MYO16: variants seen among roughly 807,000 people sequenced by gnomAD.
MYO16 encodes myosin XVI, also known as unconventional myosin-XVI.
A neutral mutation model predicts 205.3 loss-of-function variants in MYO16; 94 were observed. That is an observed-to-expected ratio of 0.46 (90% confidence interval 0.39 to 0.54). The LOEUF (loss-of-function observed/expected upper bound fraction) is 0.54. Ranked by LOEUF, MYO16 falls within the 20% of genes least tolerant of loss-of-function variation. The pLI is 0.00. For missense variants in MYO16, 2,315 were observed against 2,387.5 expected, an observed-to-expected ratio of 0.97 and a Z score of 0.63; for synonymous variants, 988 against 954.0, an observed-to-expected ratio of 1.04 and a Z score of -0.66.
At chr13:108,730,748 G>A (rs994551963) in intron 4 of MYO16, among the ~76,000 whole-genome samples, 1 of 152,112 alleles carries the variant, frequency 6.6e-6, no homozygotes, top group African/African-American at 2.4e-5. Flanking sequence ...TAGAAAAAGG[G>A]TAACAATTTG....
At chr13:109,187,668 C>A (rs940495509) in intron 34 of MYO16, among the ~76,000 whole-genome samples, 5 of 152,120 alleles carry the variant, frequency 3.3e-5, no homozygotes, top group Admixed American at 6.5e-5. Flanking sequence ...TTTCCAGGTA[C>A]CTTTCTGCTG....
At chr13:108,940,819 A>G (rs749258465) in intron 16 of MYO16, among the ~76,000 whole-genome samples, 2 of 152,222 alleles carry the variant, frequency 1.3e-5, no homozygotes, top group Non-Finnish European at 2.9e-5. Context: ...TGTATATACT[A>G]TACTGCAAAT....
At chr13:108,659,166 C>A (rs565547969) in intron 1 of MYO16, among the ~76,000 whole-genome samples, 3 of 148,480 alleles carry the variant, frequency 2.0e-5, no homozygotes, top group Admixed American at 1.4e-4. Context: ...GTCCTCCAAA[C>A]CAAGGTGCAT....
chr13:108,869,568 C>CA lies in MYO16; in HGVS notation c.1425+3338dup, dbSNP rs35097052. 9.9e-3 allele frequency among the ~76,000 whole-genome samples: 1,420 copies of CA among 143,184 alleles called. 19 individuals carry two copies. The highest frequency in any genetic ancestry group is 0.034 in the African/African-American group (1,319 of 38,780). 93.9% of individuals were successfully genotyped at this position (143,184 alleles called of 152,430 possible). ...TGAAACCCCGTCTCTACTAAAAATA[C>CA]AAAAAAAAAAAAGTTAGCCGGGCGT... On this transcript the variant is annotated intron_variant, in intron 12 of 34. Transcript: ENST00000457511.
intron 21 of MYO16, among the ~76,000 whole-genome samples, chr13:108,997,277 G>T: frequency 6.8e-6 from 1 of 146,518 alleles, no homozygotes; most frequent in African/African-American, 2.5e-5. Flanking sequence ...CTGGGTGACA[G>T]AACAAGACCA....
chr13:108,589,680 C>T, the MYO16 span, among the ~76,000 whole-genome samples: 6 of 152,102 alleles, frequency 3.9e-5, no homozygotes, highest in African/African-American at 1.4e-4. Flanking sequence ...ATTGTCTTCT[C>T]TCTCTCCCTC....
the MYO16 span, among the ~76,000 whole-genome samples, chr13:108,568,900 C>T: frequency 6.6e-6 from 1 of 151,802 alleles, no homozygotes; most frequent in Non-Finnish European, 1.5e-5. Flanking sequence ...CATATGGGTA[C>T]CCAGTTGTTC....
At chr13:109,149,039 G>C (rs1877499740) in intron 32 of MYO16, among the ~76,000 whole-genome samples, 1 of 152,292 alleles carries the variant, frequency 6.6e-6, no homozygotes, top group South Asian at 2.1e-4. Flanking sequence ...AGCCTGATAG[G>C]CTTTGTACCT....
intron 27 of MYO16, among the ~76,000 whole-genome samples, chr13:109,065,887 A>G (rs569153851): frequency 6.6e-6 from 1 of 152,334 alleles, no homozygotes; most frequent in South Asian, 2.1e-4. Flanking sequence ...GGAGAAGTTT[A>G]CTATTTAATG....
the MYO16 span, among the ~76,000 whole-genome samples, chr13:108,516,431 G>A: frequency 2.6e-5 from 4 of 152,152 alleles, no homozygotes; most frequent in South Asian, 4.1e-4. Context: ...GAAATCACCC[G>A]TCTTCTGCGT....
At chr13:108,508,496 CTT>C in the MYO16 span, among the ~76,000 whole-genome samples, 19,242 of 152,124 alleles carry the variant, frequency 0.13, 1,353 homozygotes, top group East Asian at 0.23. Flanking sequence ...CAACCGTTCT[CTT>C]TTGTTCTCAG....
In MYO16 at chr13:109,190,144, G is replaced by GA. The variant is rs774369883; in HGVS notation, c.5415+10520dup. ...AAGAAAATCTTTCTACATTTTTAAG[G>GA]AAAAAAAAATTATTTTACTGCTATC... On this transcript the variant is annotated intron_variant, in intron 34 of 34. Coordinates refer to ENST00000457511, the MANE Select transcript of MYO16 (RefSeq NM_001198950.3). Among the ~76,000 whole-genome samples, 31 of 150,526 alleles carry GA rather than the reference G, an allele frequency of 2.1e-4. 1 individual carries two copies. The highest frequency in any genetic ancestry group is 4.0e-4 in the Non-Finnish European group (27 of 67,618).
chr13:108,672,109 GA>G (rs1253819980), intron 2 of MYO16, among the ~76,000 whole-genome samples: 2 of 152,082 alleles, frequency 1.3e-5, no homozygotes, highest in Non-Finnish European at 2.9e-5. Flanking sequence ...TGTGCTAGGG[GA>G]AAAATATGAA....
chr13:108,975,223 G>A (rs1329624838), intron 20 of MYO16, among the ~76,000 whole-genome samples: 1 of 151,638 alleles, frequency 6.6e-6, no homozygotes, highest in East Asian at 1.9e-4. Flanking sequence ...CACTATTGCG[G>A]TCTTCAGGGT....
At chr13:108,843,891 G>A (rs192860215) in intron 9 of MYO16, among the ~76,000 whole-genome samples, 150 of 151,746 alleles carry the variant, frequency 9.9e-4, no homozygotes, top group Non-Finnish European at 6.5e-4. Context: ...TTATTCCATC[G>A]CAAACTTGAA....
intron 12 of MYO16, 140 bp from the exon 13 acceptor site, chr13:108,882,919 T>C: frequency 2.4e-6 from 3 of 1,224,828 alleles, no homozygotes; most frequent in Non-Finnish European, 2.2e-6. Flanking sequence ...ATTTTACAAA[T>C]GTTTTTACAT....
intron 4 of MYO16, among the ~76,000 whole-genome samples, chr13:108,764,019 A>G (rs1353730348): frequency 6.6e-6 from 1 of 152,194 alleles, no homozygotes; most frequent in East Asian, 1.9e-4. Flanking sequence ...ATGAAAGTCA[A>G]GAGAAAAATA....
chr13:109,147,311 C>A (rs565366769), intron 32 of MYO16, among the ~76,000 whole-genome samples: 31 of 152,264 alleles, frequency 2.0e-4, no homozygotes, highest in African/African-American at 7.0e-4. Context: ...AGTGCAGTTA[C>A]CCATTCATTG....
At chr13:108,497,564 A>C in the MYO16 span, among the ~76,000 whole-genome samples, 1 of 152,228 alleles carries the variant, frequency 6.6e-6, no homozygotes, top group Non-Finnish European at 1.5e-5. Flanking sequence ...ACTGAAGGAA[A>C]AATGTATTTA....
Sources: gnomAD v4.1 joint callset for allele counts (sites outside exome capture counted in the v4.1 genomes callset) on GRCh38, gnomAD v4.1.1 for gene constraint, MANE v1.5 for transcripts, NCBI Gene and HGNC (gene_info 2026-07-23, HGNC 2026-07-21) for gene names.